Variants in LCLAT1 observed in about 807,000 individuals in gnomAD.
LCLAT1 encodes lysocardiolipin acyltransferase 1.
A neutral mutation model predicts 30.7 loss-of-function variants in LCLAT1; 11 were observed. The ratio of observed to expected loss-of-function variants is 0.36; its 90% CI spans 0.23 to 0.59. LCLAT1 has a LOEUF of 0.59. Among genes scored for constraint, LCLAT1 ranks in the 20% least tolerant of loss-of-function variants. The pLI is 0.77. For synonymous variants in LCLAT1, 155 were observed against 151.3 expected, an observed-to-expected ratio of 1.02 and a Z score of -0.18; for missense variants, 402 against 458.6, an observed-to-expected ratio of 0.88 and a Z score of 1.13.
chr2:30,500,878 G>A (rs1684342412), intron 1 of LCLAT1, among the ~76,000 whole-genome samples: 3 of 152,104 alleles, frequency 2.0e-5, no homozygotes, highest in Admixed American at 2.0e-4. Flanking sequence ...TGTCTTATCT[G>A]AGTTCCTTTT....
At chr2:30,618,804 T>C (rs1668110592) in intron 5 of LCLAT1, among the ~76,000 whole-genome samples, 1 of 152,226 alleles carries the variant, frequency 6.6e-6, no homozygotes. Context: ...TTGCTAAATC[T>C]ACTTACCAGT....
chr2:30,478,713 A>G (rs1683169366), intron 1 of LCLAT1, among the ~76,000 whole-genome samples: 1 of 151,974 alleles, frequency 6.6e-6, no homozygotes, highest in African/African-American at 2.4e-5. Context: ...GTAGGTAGGT[A>G]GATACATAAA....
chr2:30,511,773 G>C (rs541934574), intron 1 of LCLAT1, among the ~76,000 whole-genome samples: 10 of 152,226 alleles, frequency 6.6e-5, no homozygotes, highest in Non-Finnish European at 1.5e-4. Context: ...CTAGAGAATA[G>C]ACATGCAAGT....
At chr2:30,613,274 A>G (rs368070973) in intron 5 of LCLAT1, among the ~76,000 whole-genome samples, 21 of 152,172 alleles carry the variant, frequency 1.4e-4, no homozygotes, top group African/African-American at 5.1e-4. Context: ...GGGAGGGGTT[A>G]TAAGATTGTG....
At chr2:30,551,972 T>C (rs1260764144) in intron 3 of LCLAT1, among the ~76,000 whole-genome samples, 2 of 152,230 alleles carry the variant, frequency 1.3e-5, no homozygotes, top group African/African-American at 4.8e-5. Context: ...TGATTAGCAA[T>C]CTTAATTCCC....
chr2:30,626,756 A>G (rs1668531590), intron 5 of LCLAT1, among the ~76,000 whole-genome samples: 1 of 151,878 alleles, frequency 6.6e-6, no homozygotes, highest in African/African-American at 2.4e-5. Flanking sequence ...TTTAGTAATG[A>G]AGCATGTAAG....
At chr2:30,516,059 A>G (rs1303550033) in intron 1 of LCLAT1, among the ~76,000 whole-genome samples, 2 of 152,186 alleles carry the variant, frequency 1.3e-5, no homozygotes, top group Non-Finnish European at 2.9e-5. Context: ...AACTCAGCTC[A>G]CACCTGACCA....
intron 1 of LCLAT1, among the ~76,000 whole-genome samples, chr2:30,486,770 A>G (rs1468388657): frequency 6.6e-6 from 1 of 152,174 alleles, no homozygotes; most frequent in Non-Finnish European, 1.5e-5. Flanking sequence ...GATGTGTACC[A>G]TGATGTGAAA....
At position 30,520,311 on chromosome 2, in the gene LCLAT1, T is replaced by C. The variant is rs565681568; in HGVS notation, c.-4-5276T>C. Among the ~76,000 whole-genome samples the C allele has an allele frequency of 2.6e-5, 4 of 152,350 alleles. No homozygotes were observed. The South Asian group carries it at 6.2e-4, about 24-fold the overall frequency. ...GCTATCTCACTAAGTTTGTATAAAT[T>C]CTAAAATTCAGAATAAGTTTTGTAT... On this transcript the variant is annotated intron_variant, in intron 1 of 5. Transcript: ENST00000379509.
chr2:30,546,107 G>C (rs965280589), intron 3 of LCLAT1, among the ~76,000 whole-genome samples: 1 of 152,138 alleles, frequency 6.6e-6, no homozygotes, highest in Admixed American at 6.5e-5. Context: ...TATTCAGAGT[G>C]AGATCAGAGA....
chr2:30,450,693 T>C (rs540639477), intron 1 of LCLAT1, among the ~76,000 whole-genome samples: 152 of 152,242 alleles, frequency 1.0e-3, no homozygotes, highest in African/African-American at 3.6e-3. Flanking sequence ...GACTACAAGG[T>C]AGGGTGTGCA....
chr2:30,513,830 C>G (rs1163373978), intron 1 of LCLAT1, among the ~76,000 whole-genome samples: 1 of 152,188 alleles, frequency 6.6e-6, no homozygotes, highest in Non-Finnish European at 1.5e-5. Context: ...CTCCCTGCTT[C>G]GAGTTGTCCC....
At chr2:30,615,959 C>T (rs1667975722) in intron 5 of LCLAT1, among the ~76,000 whole-genome samples, 1 of 152,150 alleles carries the variant, frequency 6.6e-6, no homozygotes, top group South Asian at 2.1e-4. Context: ...AAATGAGACC[C>T]TTCCCTACCT....
rs116649849 is a variant in LCLAT1 at position 30,479,912 on chromosome 2, G to T, written c.-5+32529G>T. On this transcript the variant is annotated intron_variant, in intron 1 of 5. Transcript: ENST00000379509. ...CACCACTGAACATCTGTGATTTTAG[G>T]TAACTCATTGACCTCTTTGCCTTAG... 6.6e-3 allele frequency among the ~76,000 whole-genome samples: 1,009 copies of T among 152,250 alleles called. 9 individuals are homozygous for T. The highest frequency in any genetic ancestry group is 0.023 in the African/African-American group (958 of 41,534).
intron 5 of LCLAT1, among the ~76,000 whole-genome samples, chr2:30,630,031 A>C (rs1375770065): frequency 2.0e-5 from 3 of 152,160 alleles, no homozygotes; most frequent in African/African-American, 7.2e-5. Flanking sequence ...ACTTAAACAA[A>C]AGGAATTTAG....
chr2:30,484,068 C>T (rs1683449114), intron 1 of LCLAT1, among the ~76,000 whole-genome samples: 1 of 152,120 alleles, frequency 6.6e-6, no homozygotes, highest in Admixed American at 6.5e-5. Context: ...GTTTTGTCTT[C>T]CCAGGTGGCC....
intron 1 of LCLAT1, 50 bp from the exon 2 acceptor site, chr2:30,525,537 G>A (rs576823097): frequency 1.3e-5 from 18 of 1,406,162 alleles, no homozygotes; most frequent in African/African-American, 8.5e-5. Flanking sequence ...AATTGAATTC[G>A]AGCCGTTAAA....
chr2:30,597,120 A>G (rs1283113088), intron 5 of LCLAT1, among the ~76,000 whole-genome samples: 4 of 147,992 alleles, frequency 2.7e-5, no homozygotes, highest in African/African-American at 9.9e-5. Context: ...TGTCTTGGCT[A>G]TATGGGCTTT....
chr2:30,588,759 C>T (rs1415922535), intron 5 of LCLAT1, among the ~76,000 whole-genome samples: 1 of 152,086 alleles, frequency 6.6e-6, no homozygotes, highest in Non-Finnish European at 1.5e-5. Flanking sequence ...TGCCACCACA[C>T]CTGGCTAATT....
Sources: gnomAD v4.1 joint callset for allele counts (sites outside exome capture counted in the v4.1 genomes callset) on GRCh38, gnomAD v4.1.1 for gene constraint, MANE v1.5 for transcripts, NCBI Gene and HGNC (gene_info 2026-07-23, HGNC 2026-07-21) for gene names.